ARHGAP44: variants seen among roughly 807,000 people sequenced by gnomAD.
ARHGAP44 encodes the protein Rho GTPase activating protein 44.
In ARHGAP44, 43 loss-of-function variants were observed where a neutral mutation model predicts 106.8. That is an observed-to-expected ratio of 0.40 (90% confidence interval 0.32 to 0.52). ARHGAP44 has a LOEUF of 0.52. ARHGAP44 is among the 20% of genes least tolerant of loss of function. The pLI, the probability that ARHGAP44 is intolerant of heterozygous loss-of-function variation, is 0.48. For missense variants in ARHGAP44, 866 were observed against 1,050.5 expected (o/e 0.82, Z 2.43); for synonymous variants, 439 against 410.3 (o/e 1.07, Z -0.85).
chr17:12,850,583 G>T (rs2035711460), intron 1 of ARHGAP44, among the ~76,000 whole-genome samples: 1 of 147,938 alleles, frequency 6.8e-6, no homozygotes, highest in African/African-American at 2.6e-5. Context: ...GGGTGGAGTG[G>T]AGAGAGGGCC....
intron 1 of ARHGAP44, among the ~76,000 whole-genome samples, chr17:12,799,106 T>G (rs2034011380): frequency 6.6e-6 from 1 of 152,212 alleles, no homozygotes; most frequent in Admixed American, 6.5e-5. Flanking sequence ...ATTTAAGCTA[T>G]TTTCATTTGG....
chr17:12,926,530 C>T (rs940452765), intron 6 of ARHGAP44, among the ~76,000 whole-genome samples: 28 of 141,712 alleles, frequency 2.0e-4, no homozygotes, highest in African/African-American at 7.2e-4. Context: ...ATATATTATA[C>T]ATACATATAT....
chr17:12,924,460 G>A (rs2038176286), intron 6 of ARHGAP44, among the ~76,000 whole-genome samples: 1 of 152,146 alleles, frequency 6.6e-6, no homozygotes, highest in African/African-American at 2.4e-5. Context: ...TCCAAAGTCA[G>A]CCTGACTTTT....
At chr17:12,812,329 C>T (rs946538665) in intron 1 of ARHGAP44, among the ~76,000 whole-genome samples, 19 of 152,014 alleles carry the variant, frequency 1.2e-4, no homozygotes, top group African/African-American at 4.1e-4. Flanking sequence ...AAGGTGATTT[C>T]GGTTGGACTT....
chr17:12,895,079 C>G lies in ARHGAP44; in HGVS notation c.93+100C>G. ...CCAGGAGGTGGAGGTTGTAGTTAGC[C>G]GGGATCGTGCCACTACACTCCAGCC... On this transcript the variant is annotated intron_variant, in intron 2 of 20. Coordinates refer to ENST00000379672, the MANE Select transcript of ARHGAP44 (RefSeq NM_014859.6). 2.7e-6 allele frequency: 3 copies of G among 1,113,780 alleles called. No homozygotes were observed. In the East Asian group the frequency reaches 7.9e-5, roughly 29 times the overall value. The allele number at this position is 1,113,780 out of a possible 1,614,324, so 69.0% of individuals were successfully genotyped here.
chr17:12,987,981 T>C (rs1301135128), intron 20 of ARHGAP44: 6 of 152,150 alleles, frequency 3.9e-5, no homozygotes, highest in Non-Finnish European at 8.8e-5. Context: ...CCAGGTCTTC[T>C]CCCCGATTTG....
chr17:12,920,136 G>A (rs1032019297), intron 6 of ARHGAP44, among the ~76,000 whole-genome samples: 2 of 152,152 alleles, frequency 1.3e-5, no homozygotes, highest in Non-Finnish European at 2.9e-5. Context: ...AGCACTTTGG[G>A]AGGCCAAGGC....
intron 1 of ARHGAP44, among the ~76,000 whole-genome samples, chr17:12,847,255 T>G (rs2150840620): frequency 6.6e-6 from 1 of 152,230 alleles, no homozygotes; most frequent in South Asian, 2.1e-4. Flanking sequence ...GAGGTTACAT[T>G]GTTTCAAACA....
Position 12,949,032 on chromosome 17 carries a change from A to C in ARHGAP44, c.862-108A>C. The C allele has an allele frequency of 4.1e-5, 42 of 1,031,964 alleles. No homozygotes were observed. Among genetic ancestry groups the C allele is most frequent in the Non-Finnish European group, 5.3e-5 (37 of 693,982 alleles). The allele number at this position is 1,031,964 out of a possible 1,614,324, so 63.9% of individuals were successfully genotyped here. A position where few individuals can be genotyped will look rare whatever the true frequency, so the allele number is the denominator to read the frequency against. On this transcript the variant is annotated intron_variant, in intron 10 of 20. Transcript: ENST00000379672. The surrounding 1 kb of genome is among the most constrained non-coding windows in gnomAD (Gnocchi z 4.1). Reference sequence around the variant, plus strand: ...GGGGATTGGGAGATGGTGTTGGGCAAATGCATGTAAGAGGTTTTGGAGAAA... The same window carrying C: ...GGGGATTGGGAGATGGTGTTGGGCACATGCATGTAAGAGGTTTTGGAGAAA...
intron 13 of ARHGAP44, among the ~76,000 whole-genome samples, chr17:12,954,525 C>T (rs375574673): frequency 1.4e-4 from 22 of 152,194 alleles, no homozygotes; most frequent in African/African-American, 3.1e-4. Context: ...CAGGAGAGGC[C>T]GTGCGTGGAG....
At chr17:12,871,493 G>A (rs1597974893) in intron 1 of ARHGAP44, among the ~76,000 whole-genome samples, 1 of 152,142 alleles carries the variant, frequency 6.6e-6, no homozygotes, top group African/African-American at 2.4e-5. Flanking sequence ...TGAAGGGGAA[G>A]CAATCATGTC....
intron 7 of ARHGAP44, among the ~76,000 whole-genome samples, chr17:12,933,545 T>C (rs779943728): frequency 3.3e-5 from 5 of 152,220 alleles, no homozygotes; most frequent in Non-Finnish European, 5.9e-5. Context: ...TCACAAGTGG[T>C]ACTTGCTTTC....
chr17:12,911,755 C>T (rs1164179188), intron 4 of ARHGAP44, among the ~76,000 whole-genome samples: 1 of 152,160 alleles, frequency 6.6e-6, no homozygotes, highest in African/African-American at 2.4e-5. Context: ...GTATGGGTAC[C>T]ATTCAGTAAA....
At chr17:12,859,875 T>C (rs2036017746) in intron 1 of ARHGAP44, among the ~76,000 whole-genome samples, 1 of 151,562 alleles carries the variant, frequency 6.6e-6, no homozygotes, top group Non-Finnish European at 1.5e-5. Context: ...CCGAAAGGAG[T>C]GGGCAAAGCA....
At chr17:12,972,667 T>A (rs200876788) in intron 16 of ARHGAP44, among the ~76,000 whole-genome samples, 87,570 of 130,024 alleles carry the variant, frequency 0.67, 27,084 homozygotes, top group East Asian at 0.86. Flanking sequence ...AAATAAATAT[T>A]TTTTTTTTTT....
At chr17:12,795,641 A>G (rs1291420150) in intron 1 of ARHGAP44, among the ~76,000 whole-genome samples, 1 of 151,978 alleles carries the variant, frequency 6.6e-6, no homozygotes, top group Non-Finnish European at 1.5e-5. Context: ...AGAGGGGATT[A>G]GTAAGTATCC....
chr17:12,932,021 A>G (rs1294731047), intron 7 of ARHGAP44, among the ~76,000 whole-genome samples: 1 of 152,090 alleles, frequency 6.6e-6, no homozygotes, highest in East Asian at 1.9e-4. Context: ...TTTTTTTTCT[A>G]TAGGATAGAT....
intron 7 of ARHGAP44, among the ~76,000 whole-genome samples, chr17:12,938,057 C>T (rs2038599787): frequency 6.6e-6 from 1 of 151,008 alleles, no homozygotes. Flanking sequence ...AAGATTGTGC[C>T]ACTGCACTCC....
intron 1 of ARHGAP44, among the ~76,000 whole-genome samples, chr17:12,859,605 G>A (rs1348023691): frequency 6.6e-6 from 1 of 152,224 alleles, no homozygotes; most frequent in African/African-American, 2.4e-5. Flanking sequence ...TTCCTGAGAT[G>A]TCTCATTGTT....
Sources: gnomAD v4.1 joint callset for allele counts (sites outside exome capture counted in the v4.1 genomes callset) on GRCh38, gnomAD v4.1.1 for gene constraint, Gnocchi (gnomAD v3.1) non-coding constraint, MANE v1.5 for transcripts, NCBI Gene and HGNC (gene_info 2026-07-23, HGNC 2026-07-21) for gene names.